Variants in ITGA6 observed in about 807,000 individuals in gnomAD.
The protein encoded by ITGA6 is integrin subunit alpha 6.
In ITGA6, 63 loss-of-function variants were observed where a neutral mutation model predicts 133.6. That is an observed-to-expected ratio of 0.47 (90% CI 0.38 to 0.58). The LOEUF (loss-of-function observed/expected upper bound fraction) is 0.58. Ranked by LOEUF, ITGA6 falls within the 20% of genes least tolerant of loss-of-function variation. The pLI is 0.00. For missense variants in ITGA6, 1,068 were observed against 1,309.4 expected (o/e 0.82, Z 2.85); for synonymous variants, 434 against 482.0 (o/e 0.90, Z 1.30).
intron 1 of ITGA6, among the ~76,000 whole-genome samples, chr2:172,460,328 A>T (rs1685381103): frequency 6.6e-6 from 1 of 152,236 alleles, no homozygotes; most frequent in South Asian, 2.1e-4. Flanking sequence ...GGAAGGAAGA[A>T]TCCAAATGCT....
intron 1 of ITGA6, among the ~76,000 whole-genome samples, chr2:172,431,065 A>T (rs3108780): frequency 0.13 from 19,334 of 152,124 alleles, 1,439 homozygotes; most frequent in African/African-American, 0.19. Context: ...TTTCTTCTTT[A>T]TGGGGTCTCT....
intron 1 of ITGA6, among the ~76,000 whole-genome samples, chr2:172,448,291 G>T (rs1181143598): frequency 6.6e-6 from 1 of 151,830 alleles, no homozygotes; most frequent in East Asian, 1.9e-4. Flanking sequence ...GAGTAAACTG[G>T]GGTGTAGTGA....
chr2:172,452,174 G>T (rs1574339338), intron 1 of ITGA6, among the ~76,000 whole-genome samples: 1 of 152,154 alleles, frequency 6.6e-6, no homozygotes, highest in Admixed American at 6.5e-5. Flanking sequence ...CTTTATAGGT[G>T]GTTCATTGCT....
rs1176814295 is a variant in ITGA6, at chr2:172,469,386, A to G, written c.643+6A>G. 1.9e-6 allele frequency: 3 copies of G among 1,612,488 alleles called. No homozygotes were observed. In the African/African-American group the frequency reaches 4.0e-5, roughly 22 times the overall value. ...GGGTACTTATAACTGGAAAGGTATG[A>G]CCTTTGTATTTATAGAAATAGAGAT... On this transcript the variant is annotated splice_donor_region_variant and intron_variant, in intron 4 of 25. Transcript: ENST00000684293.
In ITGA6 at chr2:172,474,947, T is replaced by TG. The variant is rs1218630222; in HGVS notation, c.1007dup (p.Ala337SerfsTer6). On this transcript the variant is annotated frameshift_variant, in exon 7 of 26. Transcript: ENST00000684293. LOFTEE classifies it high-confidence loss of function. Reference sequence around the variant, plus strand: ...TTTTTAGGTGGCAAGATATAGTTATTGGAGCCCCACAGTATTTTGATAGAG... The same window carrying TG: ...TTTTTAGGTGGCAAGATATAGTTATTGGGAGCCCCACAGTATTTTGATAGAG... The TG allele has an allele frequency of 6.4e-7, 1 of 1,570,314 alleles. No homozygotes were observed. The highest frequency in any genetic ancestry group is 1.1e-5 in the South Asian group (1 of 90,238).
At chr2:172,475,168 T>G in intron 7 of ITGA6, 46 bp downstream of exon 7, 1 of 1,246,204 alleles carries the variant, frequency 8.0e-7, no homozygotes, top group South Asian at 1.2e-5. Flanking sequence ...GATTATTTGA[T>G]TGTTTAAATA....
Position 172,504,078 on chromosome 2 carries a change from C to T in ITGA6, c.*23-13C>T. ...GATTAATTTGTTTCTCTTTCTCTTT[C>T]CCTCTTCTCTAGTGTGGATTCTTTA... On this transcript the variant is annotated splice_polypyrimidine_tract_variant and intron_variant, in intron 25 of 25. Coordinates refer to ENST00000684293, the MANE Select transcript of ITGA6 (RefSeq NM_000210.4). The T allele has an allele frequency of 1.3e-6, 2 of 1,554,842 alleles. No homozygotes were observed. Among genetic ancestry groups the T allele is most frequent in the East Asian group, 2.3e-5 (1 of 43,562 alleles).
chr2:172,472,591 A>G (rs1389396450), intron 5 of ITGA6, among the ~76,000 whole-genome samples: 1 of 152,210 alleles, frequency 6.6e-6, no homozygotes, highest in Non-Finnish European at 1.5e-5. Flanking sequence ...CTGTCACTTC[A>G]AAAGATCAGA....
At chr2:172,448,217 T>C (rs1216050634) in intron 1 of ITGA6, among the ~76,000 whole-genome samples, 5 of 152,058 alleles carry the variant, frequency 3.3e-5, no homozygotes, top group Non-Finnish European at 5.9e-5. Flanking sequence ...TTAGCACAGA[T>C]CTCAAAGTAC....
intron 11 of ITGA6, among the ~76,000 whole-genome samples, chr2:172,481,420 G>A (rs1441923495): frequency 1.3e-5 from 2 of 152,248 alleles, no homozygotes; most frequent in Middle Eastern, 3.4e-3. Context: ...TTTATATGAA[G>A]TTTTATATAA....
At chr2:172,470,892 T>G in intron 4 of ITGA6, 82 bp from the exon 5 acceptor site, 1 of 1,421,620 alleles carries the variant, frequency 7.0e-7, no homozygotes, top group Non-Finnish European at 9.8e-7. Context: ...AGTGATAGCA[T>G]GGGGGATGTT....
intron 5 of ITGA6, chr2:172,472,795 T>C (rs1425884358): frequency 6.2e-7 from 1 of 1,612,262 alleles, no homozygotes; most frequent in East Asian, 2.2e-5. Flanking sequence ...TTGACCAGCG[T>C]TTCCTATACA....
At position 172,506,054 on chromosome 2, in the gene ITGA6, A is replaced by C. The variant is rs1225279647; in HGVS notation, c.*1986A>C. ...GGTGTTTAGATTTATGGTTGTTAAA[A>C]ATGTCATCTCAAGTCAAGTCACTGG... is the stretch of plus-strand genomic sequence containing the variant. On this transcript the variant is annotated 3_prime_UTR_variant, in exon 26 of 26. Transcript: ENST00000684293. 6.6e-6 allele frequency: 1 copy of C among 152,662 alleles called. No individual in the cohort carries two copies. 9.5% of individuals were successfully genotyped at this position (152,662 alleles called of 1,614,324 possible).
chr2:172,471,133 T>C (rs1447374795), intron 5 of ITGA6, 28 bp downstream of exon 5: 2 of 1,614,008 alleles, frequency 1.2e-6, no homozygotes, highest in East Asian at 2.2e-5. Flanking sequence ...TGGCTGCCTT[T>C]GCCCACCTTC....
intron 1 of ITGA6, among the ~76,000 whole-genome samples, chr2:172,437,555 A>G (rs1221000779): frequency 6.6e-6 from 1 of 152,140 alleles, no homozygotes; most frequent in Non-Finnish European, 1.5e-5. Flanking sequence ...GGGGCAGGGC[A>G]GGAGTATGGT....
At chr2:172,489,148 G>A (rs1251730772) in intron 19 of ITGA6, among the ~76,000 whole-genome samples, 1 of 152,160 alleles carries the variant, frequency 6.6e-6, no homozygotes, top group Non-Finnish European at 1.5e-5. Flanking sequence ...GGCCAAGCAG[G>A]GTGGTTACAG....
intron 13 of ITGA6, 115 bp from the exon 14 acceptor site, chr2:172,486,908 G>A (rs1686703965): frequency 2.1e-5 from 15 of 712,790 alleles, no homozygotes; most frequent in Non-Finnish European, 5.2e-6. Context: ...CTTGAATTCT[G>A]CATTGGTAAT....
rs573570757 is a variant in ITGA6, at chr2:172,462,547, G to C, written c.183-2992G>C. Among the ~76,000 whole-genome samples, 18 of 152,334 alleles carry C rather than the reference G, an allele frequency of 1.2e-4. No individual in the cohort carries two copies. The South Asian group carries it at 3.5e-3, about 30-fold the overall frequency. On this transcript the variant is annotated intron_variant, in intron 1 of 25. Coordinates refer to ENST00000684293, the MANE Select transcript of ITGA6 (RefSeq NM_000210.4). ...CATGTAAGACACGAGGACCTCTTCT[G>C]CAAGAGCTTGGTGTGGGCATTTGTG...
intron 1 of ITGA6, among the ~76,000 whole-genome samples, chr2:172,438,269 G>T (rs61318391): frequency 7.2e-5 from 11 of 151,856 alleles, no homozygotes; most frequent in East Asian, 1.9e-4. Context: ...GTGAGAGGAC[G>T]TACCGTGGGG....
Sources: gnomAD v4.1 joint callset for allele counts (sites outside exome capture counted in the v4.1 genomes callset) on GRCh38, gnomAD v4.1.1 for gene constraint, MANE v1.5 for transcripts, NCBI Gene and HGNC (gene_info 2026-07-23, HGNC 2026-07-21) for gene names.